Variants in TRAF7 observed in about 807,000 individuals in gnomAD.
TRAF7 encodes the protein TNF receptor associated factor 7, also known as E3 ubiquitin-protein ligase TRAF7.
Under a neutral mutation model 89.3 loss-of-function variants are expected in TRAF7, and 45 were observed. That is an observed-to-expected ratio of 0.50 (90% CI 0.40 to 0.65). The LOEUF (loss-of-function observed/expected upper bound fraction) is 0.65. TRAF7 is among the 30% of genes least tolerant of loss of function. The pLI, the probability that TRAF7 is intolerant of heterozygous loss-of-function variation, is 0.00. For missense variants in TRAF7, 677 were observed against 918.1 expected, an observed-to-expected ratio of 0.74 and a Z score of 3.39; for synonymous variants, 406 against 369.2, an observed-to-expected ratio of 1.10 and a Z score of -1.14.
intron 4 of TRAF7, among the ~76,000 whole-genome samples, chr16:2,170,151 A>T (rs2093102252): frequency 6.6e-6 from 1 of 152,104 alleles, no homozygotes; most frequent in Non-Finnish European, 1.5e-5. Flanking sequence ...CCCACCAGCA[A>T]GGCCAGACAA....
chr16:2,165,983 AC>A (rs745543888), intron 3 of TRAF7, 47 bp downstream of exon 3: 3 of 1,610,082 alleles, frequency 1.9e-6, no homozygotes. Flanking sequence ...TAACCGGGGC[AC>A]CCCCATGCCC....
chr16:2,172,623 G>C (rs777731002), intron 9 of TRAF7, 24 bp downstream of exon 9: 2 of 1,308,174 alleles, frequency 1.5e-6, no homozygotes, highest in South Asian at 2.5e-5. Context: ...GGGCGGGGGT[G>C]GGCCGGGGTG....
In TRAF7 at chr16:2,168,132, C is replaced by T. The variant is rs777048598; in HGVS notation, c.195C>T (p.Thr65=). 4 of 1,612,470 alleles carry T rather than the reference C, an allele frequency of 2.5e-6. No homozygotes were observed. The South Asian group carries it at 4.4e-5, about 18-fold the overall frequency. ...QHCRTPSSSS[T]LAYSPRDEED... The stretch of plus-strand genomic sequence containing the variant: ...GCAGGACACCCTCCTCCTCCAGCAC[C>T]CTTGCCTACTCCCCGCGGGACGAGG... The change falls in exon 4 of 21, where the codon ACC becomes ACT. Residue 65 remains threonine, a synonymous_variant. Transcript: ENST00000326181. This position sits in a 1 kb window ranked among gnomAD's most constrained non-coding sequence, Gnocchi z 4.1.
chr16:2,173,602 C>T (rs756710735), intron 11 of TRAF7, 48 bp downstream of exon 11: 175 of 1,601,310 alleles, frequency 1.1e-4, no homozygotes, highest in African/African-American at 8.0e-5. Context: ...CCGGGGAGGC[C>T]GGCGGCCCCG....
At chr16:2,170,558 C>T (rs2093104616) in intron 4 of TRAF7, 56 bp from the exon 5 acceptor site, 1 of 1,401,030 alleles carries the variant, frequency 7.1e-7, no homozygotes, top group African/African-American at 1.4e-5. Flanking sequence ...TCCTGTCCTC[C>T]CCGAGGCTCT....
At chr16:2,173,428 G>T (rs1258786149) in intron 10 of TRAF7, 29 bp downstream of exon 10, 4 of 1,612,516 alleles carry the variant, frequency 2.5e-6, no homozygotes, top group Non-Finnish European at 3.4e-6. Context: ...GCAGGCAGGG[G>T]CCTGGCCACT....
chr16:2,168,047 C>T lies in TRAF7; in HGVS notation c.140-30C>T. ...CCCCCACATCTGCTGAGGGAGCCCCCACTGAGACGCCAGCCCTCTTGCCTT... is the reference window on the plus strand; with the variant it reads ...CCCCCACATCTGCTGAGGGAGCCCCTACTGAGACGCCAGCCCTCTTGCCTT... On this transcript the variant is annotated intron_variant, in intron 3 of 20. Coordinates refer to ENST00000326181, the MANE Select transcript of TRAF7 (RefSeq NM_032271.3). This position sits in a 1 kb window ranked among gnomAD's most constrained non-coding sequence, Gnocchi z 4.1. 1.2e-6 allele frequency: 2 copies of T among 1,603,462 alleles called. No homozygotes were observed. Among genetic ancestry groups the T allele is most frequent in the Non-Finnish European group, 8.5e-7 (1 of 1,175,944 alleles).
At chr16:2,174,451 A>G in intron 14 of TRAF7, 118 bp downstream of exon 14, 1 of 922,462 alleles carries the variant, frequency 1.1e-6, no homozygotes, top group Non-Finnish European at 1.6e-6. Flanking sequence ...CCCCACCTAT[A>G]GGGCACCCTC....
rs549217941 is a variant in TRAF7, at chr16:2,176,939, G to C, written c.*365G>C. 1 of 451,678 alleles carries C rather than the reference G, an allele frequency of 2.2e-6. No individual in the cohort carries two copies. The highest frequency in any genetic ancestry group is 2.3e-5 in the South Asian group (1 of 44,032). The allele number at this position is 451,678 out of a possible 1,614,324, so 28.0% of individuals were successfully genotyped here. On this transcript the variant is annotated 3_prime_UTR_variant, in exon 21 of 21. Transcript: ENST00000326181. ...TGAAATAAATGCTCCACAGACTGTG[G>C]CTGTGAGTGGGGACAGCTCCTCGGG...
Position 2,163,451 on chromosome 16 carries a change from G to A in TRAF7, c.-38-432G>A. On this transcript the variant is annotated intron_variant, in intron 1 of 20. Coordinates refer to ENST00000326181, the MANE Select transcript of TRAF7 (RefSeq NM_032271.3). This position sits in a 1 kb window ranked among gnomAD's most constrained non-coding sequence, Gnocchi z 4.3. ...GAAACACATTCGTCGTGCCTTGGCTGGTCCCTGTGTGACTGCGTCCCGCCA... is the reference window on the plus strand; with the variant it reads ...GAAACACATTCGTCGTGCCTTGGCTAGTCCCTGTGTGACTGCGTCCCGCCA... 5.4e-6 allele frequency: 1 copy of A among 184,534 alleles called. No homozygotes were observed. Among genetic ancestry groups the A allele is most frequent in the Non-Finnish European group, 1.2e-5 (1 of 85,796 alleles). 11.4% of individuals were successfully genotyped at this position (184,534 alleles called of 1,614,324 possible). A position where few individuals can be genotyped will look rare whatever the true frequency, so the allele number is the denominator to read the frequency against.
At chr16:2,173,721 A>G in intron 11 of TRAF7, 67 bp from the exon 12 acceptor site, 1 of 1,597,794 alleles carries the variant, frequency 6.3e-7, no homozygotes, top group Non-Finnish European at 8.5e-7. Flanking sequence ...CAGCAGGGGC[A>G]GAGAGGCTGC....
In TRAF7 at chr16:2,160,760, A is replaced by T. The variant is rs1596667343; in HGVS notation, c.-38-3123A>T. 3.3e-5 allele frequency among the ~76,000 whole-genome samples: 5 copies of T among 152,182 alleles called. No homozygotes were observed. The South Asian group carries it at 1.0e-3, about 32-fold the overall frequency. ...GGAGGGCAGAGAGGCCAGAGAATTG[A>T]AGGGGAATTCTCACTCCGGTTGACA... is the stretch of plus-strand genomic sequence containing the variant. On this transcript the variant is annotated intron_variant, in intron 1 of 20. Transcript: ENST00000326181.
chr16:2,170,803 C>G (rs551957551), intron 5 of TRAF7, 73 bp downstream of exon 5: 1 of 1,394,164 alleles, frequency 7.2e-7, no homozygotes, highest in East Asian at 2.5e-5. Context: ...GGCACCTTCC[C>G]CTCCGCCATG....
Position 2,177,023 on chromosome 16 carries a change from G to T in TRAF7, c.*449G>T, listed in dbSNP as rs149148401. 20 of 326,426 alleles carry T rather than the reference G, an allele frequency of 6.1e-5. No homozygotes were observed. Among genetic ancestry groups the T allele is most frequent in the Non-Finnish European group, 1.0e-4 (18 of 172,858 alleles). 20.2% of individuals were successfully genotyped at this position (326,426 alleles called of 1,614,324 possible). Reference sequence around the variant, plus strand: ...TGCACAGGCACTGGCTGCTGTGAGTGGGGGGGCATGGGGCAGTTTCCTTTG... The same window carrying T: ...TGCACAGGCACTGGCTGCTGTGAGTTGGGGGGCATGGGGCAGTTTCCTTTG... On this transcript the variant is annotated 3_prime_UTR_variant, in exon 21 of 21. Coordinates refer to ENST00000326181, the MANE Select transcript of TRAF7 (RefSeq NM_032271.3).
Position 2,171,293 on chromosome 16 carries a change from G to A in TRAF7, c.378G>A (p.Ser126=), listed in dbSNP as rs751636822. ...CACTGGTGTTTGCGGAGCAGCCCTC[G>A]GTGAAGCTGTGCTGTCAGCTCTGCT... ...PEPLVFAEQP[S]VKLCCQLCCS... is the part of the protein sequence containing the mutation. The change falls in exon 6 of 21, where the codon TCG becomes TCA. Residue 126 remains serine, a synonymous_variant. Transcript: ENST00000326181. The A allele has an allele frequency of 5.1e-6, 8 of 1,555,138 alleles. No individual in the cohort carries two copies. Among genetic ancestry groups the A allele is most frequent in the African/African-American group, 2.7e-5 (2 of 73,606 alleles).
intron 17 of TRAF7, 88 bp downstream of exon 17, chr16:2,175,710 C>T (rs1328235878): frequency 6.3e-7 from 1 of 1,588,220 alleles, no homozygotes; most frequent in African/African-American, 1.3e-5. Context: ...CTGCCCTGTT[C>T]CTACCTTCGC....
At chr16:2,164,093 C>CGGGA in intron 2 of TRAF7, 92 bp downstream of exon 2, 1 of 1,246,720 alleles carries the variant, frequency 8.0e-7, no homozygotes, top group Non-Finnish European at 1.1e-6. Context: ...CCAGCGCAGT[C>CGGGA]CCGTCCCGAG....
chr16:2,157,322 G>A (rs889594576), intron 1 of TRAF7, among the ~76,000 whole-genome samples: 9 of 151,602 alleles, frequency 5.9e-5, no homozygotes, highest in African/African-American at 1.9e-4. Context: ...AGGAGGGGAG[G>A]GGCTGGGAGT....
At chr16:2,174,997 C>A in intron 14 of TRAF7, 114 bp from the exon 15 acceptor site, 1 of 1,323,786 alleles carries the variant, frequency 7.6e-7, no homozygotes, top group Non-Finnish European at 1.1e-6. Flanking sequence ...GTGGCCTTGG[C>A]CCTGGGCCAT....
Sources: gnomAD v4.1 joint callset for allele counts (sites outside exome capture counted in the v4.1 genomes callset) on GRCh38, gnomAD v4.1.1 for gene constraint, Gnocchi (gnomAD v3.1) non-coding constraint, MANE v1.5 for transcripts, NCBI Gene and HGNC (gene_info 2026-07-23, HGNC 2026-07-21) for gene names.